The following FBXO9 variants were observed in gnomAD, a reference collection of about 807,000 sequenced individuals.
The protein encoded by FBXO9 is F-box protein 9, also known as F-box only protein 9.
In FBXO9, 43 loss-of-function variants were observed where a neutral mutation model predicts 63.7. The observed-to-expected ratio is 0.67, with a 90% CI of 0.53 to 0.87. The LOEUF (loss-of-function observed/expected upper bound fraction) is 0.87, where lower values mean the gene tolerates loss of function less well. Among genes scored for constraint, FBXO9 ranks in the 40% least tolerant of loss-of-function variants. The pLI is 0.00. For missense variants in FBXO9, 442 were observed against 533.2 expected, an observed-to-expected ratio of 0.83 and a Z score of 1.68; for synonymous variants, 156 against 171.7, an observed-to-expected ratio of 0.91 and a Z score of 0.72.
rs949507934 is a variant in FBXO9, at chr6:53,092,634, A to T, written c.772+87A>T. The T allele has an allele frequency of 2.8e-5, 39 of 1,388,816 alleles. No homozygotes were observed. The Admixed American group carries it at 6.6e-4, about 24-fold the overall frequency. 86.0% of individuals were successfully genotyped at this position (1,388,816 alleles called of 1,614,324 possible). On this transcript the variant is annotated intron_variant, in intron 8 of 12. Coordinates refer to ENST00000323557, the MANE Select transcript of FBXO9 (RefSeq NM_033480.3). Reference sequence around the variant, plus strand: ...ACGCCGTTTAAATTTTCTGTGATGAATGTGAGTACTGTAAGCATGTTTAAA... The same window carrying T: ...ACGCCGTTTAAATTTTCTGTGATGATTGTGAGTACTGTAAGCATGTTTAAA...
chr6:53,090,359 A>G (rs770228035), intron 7 of FBXO9, among the ~76,000 whole-genome samples: 1 of 152,148 alleles, frequency 6.6e-6, no homozygotes, highest in Non-Finnish European at 1.5e-5. Flanking sequence ...TATTCCATTA[A>G]CTTGTAATTG....
chr6:53,081,152 T>C, intron 6 of FBXO9, 54 bp downstream of exon 6: 1 of 1,551,742 alleles, frequency 6.4e-7, no homozygotes, highest in South Asian at 1.2e-5. Context: ...CCTTAAAGAT[T>C]TCCAAATTTA....
intron 1 of FBXO9, among the ~76,000 whole-genome samples, chr6:53,066,980 A>T (rs1322506468): frequency 2.0e-5 from 3 of 152,242 alleles, no homozygotes; most frequent in African/African-American, 7.2e-5. Context: ...CTCCACTGTA[A>T]CACAGGGGAG....
rs1002583521 is a variant in FBXO9, at chr6:53,078,813, C to T, written c.322C>T (p.Arg108Cys). ...TCTTCTTTTAGCCATCAAGTTTTATCGTAGGGCTATGCAACTTGTACCTGA... is the reference window on the plus strand; with the variant it reads ...TCTTCTTTTAGCCATCAAGTTTTATTGTAGGGCTATGCAACTTGTACCTGA... ...GALYEAIKFY[R>C]RAMQLVPDIE... The change falls in exon 5 of 13, where the codon CGT (arginine) becomes TGT (cysteine). Residue 108 changes from arginine to cysteine, a missense_variant. Coordinates refer to ENST00000323557, the MANE Select transcript of FBXO9 (RefSeq NM_033480.3). 3.1e-6 allele frequency: 5 copies of T among 1,612,124 alleles called. No homozygotes were observed. The highest frequency in any genetic ancestry group is 4.2e-6 in the Non-Finnish European group (5 of 1,178,502).
chr6:53,070,092 C>T (rs1188169576), intron 1 of FBXO9, among the ~76,000 whole-genome samples: 2 of 141,638 alleles, frequency 1.4e-5, no homozygotes, highest in Non-Finnish European at 3.0e-5. Context: ...AGTCTCGGCT[C>T]ACTGCAACCT....
rs945561484 is a variant in FBXO9, at chr6:53,098,076, AAATTAAGTTGG to A, written c.*257_*267del. 1.7e-4 allele frequency: 41 copies of A among 237,894 alleles called. No individual in the cohort carries two copies. Among genetic ancestry groups the A allele is most frequent in the African/African-American group, 8.7e-4 (37 of 42,494 alleles). 14.7% of individuals were successfully genotyped at this position (237,894 alleles called of 1,614,324 possible). On this transcript the variant is annotated 3_prime_UTR_variant, in exon 13 of 13. Coordinates refer to ENST00000323557, the MANE Select transcript of FBXO9 (RefSeq NM_033480.3). ...GATAGTTGATTCCTGGGGTGTTTTGAAATTAAGTTGGAATTAAGTTGCTTAAGCATATTTAT... is the reference window on the plus strand; with the variant it reads ...GATAGTTGATTCCTGGGGTGTTTTGAAATTAAGTTGCTTAAGCATATTTAT...
At chr6:53,083,677 G>GT (rs139070095) in intron 7 of FBXO9, among the ~76,000 whole-genome samples, 3,481 of 152,256 alleles carry the variant, frequency 0.023, 108 homozygotes, top group African/African-American at 0.071. Flanking sequence ...GCAGAGCTGT[G>GT]TTTTTTATAG....
intron 7 of FBXO9, among the ~76,000 whole-genome samples, chr6:53,090,140 G>A (rs984411071): frequency 1.4e-4 from 21 of 152,302 alleles, no homozygotes; most frequent in African/African-American, 4.1e-4. Flanking sequence ...GCCAGTTCAA[G>A]TTTGCACAGG....
At chr6:53,089,090 T>C (rs1465125458) in intron 7 of FBXO9, among the ~76,000 whole-genome samples, 2 of 151,182 alleles carry the variant, frequency 1.3e-5, no homozygotes, top group African/African-American at 2.4e-5. Context: ...TTTTTTTTTT[T>C]CCAGGCGGAG....
chr6:53,087,559 A>G (rs912110023), intron 7 of FBXO9, among the ~76,000 whole-genome samples: 1 of 152,140 alleles, frequency 6.6e-6, no homozygotes, highest in Non-Finnish European at 1.5e-5. Context: ...GGTACAGCAA[A>G]AGTTGAACTT....
At chr6:53,072,467 T>C (rs1195158053) in intron 2 of FBXO9, among the ~76,000 whole-genome samples, 2 of 151,996 alleles carry the variant, frequency 1.3e-5, no homozygotes, top group Non-Finnish European at 2.9e-5. Flanking sequence ...CTCGAGGGAG[T>C]TCTGAAGATG....
chr6:53,082,713 G>C, intron 7 of FBXO9, 95 bp downstream of exon 7: 1 of 841,928 alleles, frequency 1.2e-6, no homozygotes, highest in Non-Finnish European at 1.9e-6. Context: ...CTTGATTGGT[G>C]TTCTGAGTTA....
At chr6:53,089,368 C>T (rs1049231047) in intron 7 of FBXO9, among the ~76,000 whole-genome samples, 2 of 152,174 alleles carry the variant, frequency 1.3e-5, no homozygotes, top group Non-Finnish European at 2.9e-5. Context: ...AGCCACCGTG[C>T]CCGGCCAGCC....
intron 12 of FBXO9, 128 bp downstream of exon 12, chr6:53,095,792 C>T: frequency 1.3e-6 from 1 of 779,954 alleles, no homozygotes; most frequent in Non-Finnish European, 1.9e-6. Flanking sequence ...ACCAGTACTA[C>T]TACAAACTAC....
chr6:53,082,702 A>G, intron 7 of FBXO9, 84 bp downstream of exon 7: 1 of 934,030 alleles, frequency 1.1e-6, no homozygotes, highest in Non-Finnish European at 1.6e-6. Flanking sequence ...TGATAAAATT[A>G]CTTGATTGGT....
At chr6:53,093,380 G>A in intron 9 of FBXO9, 86 bp from the exon 10 acceptor site, 2 of 829,292 alleles carry the variant, frequency 2.4e-6, no homozygotes, top group Admixed American at 5.5e-5. Flanking sequence ...TCATAGCTAT[G>A]AATAGGCATA....
At position 53,093,881 on chromosome 6, in the gene FBXO9, TA is replaced by T; in HGVS notation, c.960-2del. The T allele has an allele frequency of 1.3e-6, 2 of 1,526,978 alleles. No individual in the cohort carries two copies. Among genetic ancestry groups the T allele is most frequent in the Non-Finnish European group, 1.8e-6 (2 of 1,135,852 alleles). 94.6% of individuals were successfully genotyped at this position (1,526,978 alleles called of 1,614,324 possible). A position where few individuals can be genotyped will look rare whatever the true frequency, so the allele number is the denominator to read the frequency against. ...TTAGATTCAATTTGTTTTTTTTTTT[TA>T]AGGACTGATGCAATTCTACTGGGTC... On this transcript the variant is annotated splice_polypyrimidine_tract_variant and splice_region_variant and intron_variant, in intron 10 of 12. Transcript: ENST00000323557.
chr6:53,071,050 C>T lies in FBXO9; in HGVS notation c.4-7C>T. ...TGCCTGACATTATTTGGGTTTTCCC[C>T]CCTCAGGCAGAAGCTGAGGAAGATT... On this transcript the variant is annotated splice_region_variant and splice_polypyrimidine_tract_variant and intron_variant, in intron 1 of 12. Coordinates refer to ENST00000323557, the MANE Select transcript of FBXO9 (RefSeq NM_033480.3). 6.4e-7 allele frequency: 1 copy of T among 1,566,680 alleles called. No individual in the cohort carries two copies. Among genetic ancestry groups the T allele is most frequent in the Non-Finnish European group, 8.7e-7 (1 of 1,153,902 alleles).
intron 7 of FBXO9, among the ~76,000 whole-genome samples, chr6:53,088,756 C>T (rs891486940): frequency 3.3e-5 from 5 of 151,842 alleles, no homozygotes; most frequent in Non-Finnish European, 1.5e-5. Flanking sequence ...GCACCACCAC[C>T]GCCTGGCTAA....
Sources: allele counts gnomAD v4.1 joint callset (sites outside exome capture counted in the v4.1 genomes callset), GRCh38; gene constraint gnomAD v4.1.1; transcripts MANE v1.5; gene names NCBI Gene and HGNC (gene_info 2026-07-23, HGNC 2026-07-21).